Variants in SHPRH observed in about 807,000 individuals in gnomAD.
SHPRH encodes SNF2 histone linker PHD RING helicase.
Under a neutral mutation model 202.5 loss-of-function variants are expected in SHPRH, and 106 were observed. The ratio of observed to expected loss-of-function variants is 0.52; its 90% confidence interval spans 0.45 to 0.62. The LOEUF is 0.62. Among genes scored for constraint, SHPRH ranks in the 20% least tolerant of loss-of-function variants. The probability of loss-of-function intolerance (pLI) is 0.00; values close to 1 mark genes in which losing one functional copy is unlikely to be tolerated. For missense variants in SHPRH, 1,710 were observed against 2,020.0 expected, an observed-to-expected ratio of 0.85 and a Z score of 2.94; for synonymous variants, 729 against 686.0, an observed-to-expected ratio of 1.06 and a Z score of -0.98.
intron 1 of SHPRH, among the ~76,000 whole-genome samples, chr6:145,957,372 A>T (rs1273220050): frequency 6.6e-6 from 1 of 152,176 alleles, no homozygotes; most frequent in Non-Finnish European, 1.5e-5. Flanking sequence ...GTTTCATCAA[A>T]ATTAAATATT....
downstream of SHPRH, among the ~76,000 whole-genome samples, chr6:145,882,666 A>T (rs1275738953): frequency 3.3e-5 from 5 of 152,210 alleles, no homozygotes; most frequent in African/African-American, 1.2e-4. Context: ...GCTCTGGAAA[A>T]ATAACTGGAG....
intron 2 of SHPRH, among the ~76,000 whole-genome samples, chr6:145,953,275 T>C (rs1453173633): frequency 2.0e-5 from 3 of 152,044 alleles, no homozygotes; most frequent in Non-Finnish European, 2.9e-5. Flanking sequence ...AAAGAGTGTA[T>C]TTCATTACTG....
rs547735264 is a variant in SHPRH at position 145,942,210 on chromosome 6, G to C, written c.2239-336C>G. Among the ~76,000 whole-genome samples, 177 of 152,280 alleles carry C rather than the reference G, an allele frequency of 1.2e-3. 1 individual carries two copies. The highest frequency in any genetic ancestry group is 3.9e-3 in the African/African-American group (163 of 41,574). On this transcript the variant is annotated intron_variant, in intron 9 of 29. Coordinates refer to ENST00000275233, the MANE Select transcript of SHPRH (RefSeq NM_001042683.3). Reference sequence around the variant, plus strand: ...CAAAAAGAGAAAAGGGCTATATGTAGGTAGGAGGATGGAATCAATAGCATA... The same window carrying C: ...CAAAAAGAGAAAAGGGCTATATGTACGTAGGAGGATGGAATCAATAGCATA...
At chr6:145,914,911 A>G (rs1319589520) in intron 23 of SHPRH, among the ~76,000 whole-genome samples, 1 of 151,980 alleles carries the variant, frequency 6.6e-6, no homozygotes, top group African/African-American at 2.4e-5. Context: ...GTACACCTAA[A>G]AAATATGTAT....
intron 14 of SHPRH, among the ~76,000 whole-genome samples, chr6:145,927,810 C>T (rs1785023299): frequency 6.6e-6 from 1 of 151,956 alleles, no homozygotes; most frequent in Non-Finnish European, 1.5e-5. Flanking sequence ...CAATTAAAAA[C>T]TTCATGTCAG....
the SHPRH span, among the ~76,000 whole-genome samples, chr6:145,859,167 G>A: frequency 6.6e-6 from 1 of 151,980 alleles, no homozygotes; most frequent in African/African-American, 2.4e-5. Flanking sequence ...AAAACAAAAT[G>A]TATGTCTAAC....
At chr6:145,927,095 T>C in intron 15 of SHPRH, 94 bp downstream of exon 15, 3 of 1,131,768 alleles carry the variant, frequency 2.7e-6, no homozygotes, top group Non-Finnish European at 3.9e-6. Context: ...TGATTATGAC[T>C]GTTTGTTACC....
chr6:145,895,779 T>C (rs561669944), intron 25 of SHPRH, among the ~76,000 whole-genome samples: 1 of 152,158 alleles, frequency 6.6e-6, no homozygotes, highest in Non-Finnish European at 1.5e-5. Context: ...TCACTAGTTA[T>C]AGTTTCTAAT....
At chr6:145,951,334 T>C (rs1787956639) in intron 3 of SHPRH, among the ~76,000 whole-genome samples, 1 of 152,132 alleles carries the variant, frequency 6.6e-6, no homozygotes, top group South Asian at 2.1e-4. Context: ...TTATAGGACA[T>C]ACCTCATAAC....
downstream of SHPRH, among the ~76,000 whole-genome samples, chr6:145,863,971 A>T (rs1012829143): frequency 1.3e-5 from 2 of 152,220 alleles, no homozygotes; most frequent in Admixed American, 6.5e-5. Flanking sequence ...ATATGTGCAT[A>T]TCTATTATTT....
chr6:145,924,132 T>G lies in SHPRH; in HGVS notation c.3403-347A>C, dbSNP rs1784663813. The stretch of plus-strand genomic sequence containing the variant: ...AAGGTCACAGGTCTCTTTATCAGCA[T>G]AAGAAAGAAAGCCTTCATTCTAATC... On this transcript the variant is annotated intron_variant, in intron 17 of 29. Coordinates refer to ENST00000275233, the MANE Select transcript of SHPRH (RefSeq NM_001042683.3). 4.6e-5 allele frequency among the ~76,000 whole-genome samples: 7 copies of G among 151,994 alleles called. No homozygotes were observed. The Admixed American group carries it at 4.6e-4, about 10-fold the overall frequency.
In SHPRH at chr6:145,936,938, G is replaced by A. The variant is rs9485034; in HGVS notation, c.2570-1497C>T. ...AAAGCCGTCTCAAACTCAACTTGCCGAAATCTCAAATTCATAATCTTTTTG... is the reference window on the plus strand; with the variant it reads ...AAAGCCGTCTCAAACTCAACTTGCCAAAATCTCAAATTCATAATCTTTTTG... On this transcript the variant is annotated intron_variant, in intron 11 of 29. Coordinates refer to ENST00000275233, the MANE Select transcript of SHPRH (RefSeq NM_001042683.3). 5.3e-3 allele frequency among the ~76,000 whole-genome samples: 794 copies of A among 149,900 alleles called. 4 individuals carry two copies. Among genetic ancestry groups the A allele is most frequent in the African/African-American group, 0.018 (746 of 40,844 alleles).
intron 1 of SHPRH, among the ~76,000 whole-genome samples, chr6:145,956,673 AATTTCTGTAAAAGATAACTT>A (rs1164762227): frequency 6.6e-6 from 1 of 152,252 alleles, no homozygotes; most frequent in East Asian, 1.9e-4. Flanking sequence ...TTGATTTTTA[AATTTCTGTAAAAGATAACTT>A]ACTATACTTT....
chr6:145,861,754 C>A (rs1164094829), downstream of SHPRH, among the ~76,000 whole-genome samples: 1 of 152,090 alleles, frequency 6.6e-6, no homozygotes, highest in Non-Finnish European at 1.5e-5. Flanking sequence ...TATACATATA[C>A]ACACCCACAT....
At chr6:145,931,897 T>A (rs1008978622) in intron 14 of SHPRH, among the ~76,000 whole-genome samples, 3 of 151,890 alleles carry the variant, frequency 2.0e-5, no homozygotes, top group African/African-American at 7.2e-5. Context: ...TTTCTTTTTT[T>A]TTTTTTTCCT....
At chr6:145,931,588 G>A (rs1052426866) in intron 14 of SHPRH, among the ~76,000 whole-genome samples, 3 of 151,962 alleles carry the variant, frequency 2.0e-5, no homozygotes, top group Admixed American at 2.0e-4. Context: ...TGCCTGCCTC[G>A]GCTTCCCAAA....
intron 2 of SHPRH, among the ~76,000 whole-genome samples, chr6:145,874,345 T>C (rs904938855): frequency 7.9e-5 from 12 of 152,164 alleles, no homozygotes; most frequent in East Asian, 3.9e-4. Flanking sequence ...TTCATTCTTA[T>C]GTGATTCAGT....
Position 145,932,971 on chromosome 6 carries a change from C to CT in SHPRH, c.3112+85_3112+86insA, listed in dbSNP as rs965112800. The CT allele has an allele frequency of 2.7e-6, 4 of 1,455,908 alleles. 1 individual carries two copies. Among genetic ancestry groups the CT allele is most frequent in the South Asian group, 2.7e-5 (2 of 74,048 alleles). The allele number at this position is 1,455,908 out of a possible 1,614,324, so 90.2% of individuals were successfully genotyped here. ...ATCTTTTTGGGGGAAAAATCCCCCC[C>CT]CCAAAAATCAAAATCTATTTTTTCT... On this transcript the variant is annotated intron_variant, in intron 14 of 29. Coordinates refer to ENST00000275233, the MANE Select transcript of SHPRH (RefSeq NM_001042683.3).
At chr6:145,926,077 C>T in intron 16 of SHPRH, 127 bp downstream of exon 16, 1 of 906,632 alleles carries the variant, frequency 1.1e-6, no homozygotes, top group Non-Finnish European at 1.6e-6. Context: ...AAATTCGAAA[C>T]ATCAAAGTAA....
Sources: gnomAD v4.1 joint callset for allele counts (sites outside exome capture counted in the v4.1 genomes callset) on GRCh38, gnomAD v4.1.1 for gene constraint, MANE v1.5 for transcripts, NCBI Gene and HGNC (gene_info 2026-07-23, HGNC 2026-07-21) for gene names.